Variants in TRPM3 observed in about 807,000 individuals in gnomAD.
TRPM3 encodes the protein long transient receptor potential channel 3.
A neutral mutation model predicts 181.2 loss-of-function variants in TRPM3; 77 were observed. That is an observed-to-expected ratio of 0.42 (90% CI 0.35 to 0.51). The LOEUF (loss-of-function observed/expected upper bound fraction) is 0.51. Among genes scored for constraint, TRPM3 ranks in the 20% least tolerant of loss-of-function variants. The pLI is 0.01. For missense variants in TRPM3, 1,759 were observed against 2,196.7 expected (o/e 0.80, Z 3.98); for synonymous variants, 745 against 796.4 (o/e 0.94, Z 1.09).
At chr9:71,210,202 G>A (rs2079402292) in intron 1 of TRPM3, among the ~76,000 whole-genome samples, 1 of 152,124 alleles carries the variant, frequency 6.6e-6, no homozygotes, top group African/African-American at 2.4e-5. Context: ...CTATACATGT[G>A]AGGGATCTAG....
At chr9:70,892,703 T>C (rs2096227417) in intron 1 of TRPM3, among the ~76,000 whole-genome samples, 1 of 152,078 alleles carries the variant, frequency 6.6e-6, no homozygotes, top group South Asian at 2.1e-4. Flanking sequence ...TAAATATATT[T>C]CTGCATGTAG....
At chr9:71,323,225 G>A (rs1435117630) in intron 1 of TRPM3, among the ~76,000 whole-genome samples, 1 of 151,920 alleles carries the variant, frequency 6.6e-6, no homozygotes, top group Non-Finnish European at 1.5e-5. Flanking sequence ...GCACAGTTGG[G>A]GCAAAAGTCT....
At chr9:71,211,336 T>A (rs2079487405) in intron 1 of TRPM3, among the ~76,000 whole-genome samples, 3 of 150,206 alleles carry the variant, frequency 2.0e-5, no homozygotes, top group African/African-American at 7.3e-5. Context: ...TTCTTTCATT[T>A]GTTACTGTTC....
rs563422856 is a variant in TRPM3, at chr9:71,137,282, C to G, written c.184-272771G>C. On this transcript the variant is annotated intron_variant, in intron 1 of 24. Transcript: ENST00000357533. ...TTAAGTACCATCATTTTCATGACCT[C>G]AACCTAAGGCAAAAATGCATTATTT... Among the ~76,000 whole-genome samples, 74 of 152,264 alleles carry G rather than the reference C, an allele frequency of 4.9e-4. 1 individual carries two copies. Among genetic ancestry groups the G allele is most frequent in the African/African-American group, 1.4e-3 (57 of 41,558 alleles).
intron 1 of TRPM3, among the ~76,000 whole-genome samples, chr9:71,273,149 T>G (rs2083935186): frequency 6.6e-6 from 1 of 152,154 alleles, no homozygotes; most frequent in African/African-American, 2.4e-5. Flanking sequence ...GTGCTGGGAT[T>G]TATGAGCCCA....
intron 1 of TRPM3, among the ~76,000 whole-genome samples, chr9:71,135,661 GGCT>G (rs969710208): frequency 2.6e-5 from 4 of 152,074 alleles, no homozygotes; most frequent in African/African-American, 9.7e-5. Flanking sequence ...AAACCTAGGA[GGCT>G]AAACTTACCT....
At chr9:70,768,860 T>C (rs2079647496) in intron 7 of TRPM3, among the ~76,000 whole-genome samples, 4 of 152,222 alleles carry the variant, frequency 2.6e-5, no homozygotes, top group Admixed American at 2.6e-4. Context: ...CATCTTCTCA[T>C]CTGTTAAATA....
In TRPM3 at chr9:70,531,750, A is replaced by G. The variant is rs1391429019; in HGVS notation, c.*4203T>C. ...ATATCATTTTAAGTTCATTTGTCAT[A>G]TAGTCTTTTGCATAACATGCCAGTT... On this transcript the variant is annotated 3_prime_UTR_variant, in exon 26 of 26. Transcript: ENST00000677713. The G allele has an allele frequency of 1.3e-5, 2 of 152,166 alleles. No individual in the cohort carries two copies. The highest frequency in any genetic ancestry group is 1.5e-5 in the Non-Finnish European group (1 of 68,028). The allele number at this position is 152,166 out of a possible 1,614,324, so 9.4% of individuals were successfully genotyped here.
At chr9:70,955,910 T>A (rs1004522761) in intron 1 of TRPM3, among the ~76,000 whole-genome samples, 1 of 152,216 alleles carries the variant, frequency 6.6e-6, no homozygotes, top group East Asian at 1.9e-4. Flanking sequence ...GCACATAATA[T>A]ACTTGGTATG....
intron 1 of TRPM3, among the ~76,000 whole-genome samples, chr9:71,049,628 C>G (rs565675932): frequency 1.3e-5 from 2 of 152,224 alleles, no homozygotes; most frequent in East Asian, 3.9e-4. Context: ...GAAGAGAAGA[C>G]ATGGCCAGAT....
intron 1 of TRPM3, among the ~76,000 whole-genome samples, chr9:71,397,679 A>G (rs2093232881): frequency 6.6e-6 from 1 of 152,200 alleles, no homozygotes; most frequent in African/African-American, 2.4e-5. Flanking sequence ...TAAATTTCAG[A>G]TAAGATTATG....
intron 22 of TRPM3, among the ~76,000 whole-genome samples, chr9:70,574,117 ACAC>A (rs953527601): frequency 5.1e-4 from 77 of 151,640 alleles, no homozygotes; most frequent in African/African-American, 4.9e-5. Context: ...CACACTACTA[ACAC>A]CACCACCACC....
intron 1 of TRPM3, among the ~76,000 whole-genome samples, chr9:71,168,639 TTA>T (rs1204594903): frequency 6.8e-5 from 10 of 146,284 alleles, no homozygotes; most frequent in African/African-American, 2.2e-4. Flanking sequence ...TTATTATTTT[TTA>T]TTTTTTTTTT....
At chr9:71,030,475 G>T (rs1012479931) in intron 1 of TRPM3, among the ~76,000 whole-genome samples, 44 of 151,628 alleles carry the variant, frequency 2.9e-4, no homozygotes, top group Non-Finnish European at 1.0e-4. Flanking sequence ...TGAGGCAGGA[G>T]AATCGCTTGA....
chr9:71,233,030 G>A lies in TRPM3; in HGVS notation c.183+213623C>T, dbSNP rs140710041. Among the ~76,000 whole-genome samples the A allele has an allele frequency of 7.5e-3, 1,134 of 152,116 alleles. 5 individuals are homozygous for A. The highest frequency in any genetic ancestry group is 0.011 in the Non-Finnish European group (781 of 67,992). ...CAGGAGAGACCTGCTTCAAGCCCCC[G>A]ACTTCTGCTAGGGTTTGACATCTGA... is the stretch of plus-strand genomic sequence containing the variant. On this transcript the variant is annotated intron_variant, in intron 1 of 24. Coordinates refer to the TRPM3 transcript ENST00000357533.
chr9:70,604,456 A>G (rs1013921728), intron 19 of TRPM3, among the ~76,000 whole-genome samples: 2 of 152,220 alleles, frequency 1.3e-5, no homozygotes, highest in African/African-American at 2.4e-5. Context: ...AGCAGGAACC[A>G]AGAGGGAGTT....
At chr9:71,206,387 A>C (rs1417218366) in intron 1 of TRPM3, among the ~76,000 whole-genome samples, 1 of 152,064 alleles carries the variant, frequency 6.6e-6, no homozygotes, top group Non-Finnish European at 1.5e-5. Context: ...GCCACATAAA[A>C]GTCTTCTTTC....
At chr9:70,981,101 G>C (rs1162204988) in intron 1 of TRPM3, among the ~76,000 whole-genome samples, 1 of 152,118 alleles carries the variant, frequency 6.6e-6, no homozygotes, top group Non-Finnish European at 1.5e-5. Context: ...TTCATTTATA[G>C]CCTGTGTCAA....
intron 11 of TRPM3, among the ~76,000 whole-genome samples, chr9:70,638,677 C>T (rs150399173): frequency 8.5e-5 from 13 of 152,226 alleles, no homozygotes; most frequent in Non-Finnish European, 1.8e-4. Context: ...TAAAAAATGG[C>T]GCAGGTTACT....
Sources: gnomAD v4.1 joint callset for allele counts (sites outside exome capture counted in the v4.1 genomes callset) on GRCh38, gnomAD v4.1.1 for gene constraint, MANE v1.5 for transcripts, NCBI Gene and HGNC (gene_info 2026-07-23, HGNC 2026-07-21) for gene names.